Variants in ITGAV observed in about 807,000 individuals in gnomAD.
ITGAV encodes the protein integrin subunit alpha V.
ITGAV carries 76 observed loss-of-function variants against 143.8 expected under a neutral mutation model. The ratio of observed to expected loss-of-function variants is 0.53; its 90% CI spans 0.44 to 0.64. ITGAV has a LOEUF of 0.64. Among genes scored for constraint, ITGAV ranks in the 30% least tolerant of loss-of-function variants. ITGAV has a pLI of 0.00. For missense variants in ITGAV, 1,193 were observed against 1,274.7 expected (o/e 0.94, Z 0.98); for synonymous variants, 453 against 446.7 (o/e 1.01, Z -0.18).
In ITGAV at chr2:186,680,371, A is replaced by G. The variant is rs1689319383; in HGVS notation, c.*3079A>G. The G allele has an allele frequency of 6.6e-6, 1 of 152,474 alleles. No individual in the cohort carries two copies. Among genetic ancestry groups the G allele is most frequent in the East Asian group, 1.9e-4 (1 of 5,202 alleles). 9.4% of individuals were successfully genotyped at this position (152,474 alleles called of 1,614,324 possible). A position where few individuals can be genotyped will look rare whatever the true frequency, so the allele number is the denominator to read the frequency against. ...GGTTTGAACGATAGAAATATGCAGC[A>G]TGCAATATATGCTTATATTTCATTT... On this transcript the variant is annotated 3_prime_UTR_variant, in exon 30 of 30. Transcript: ENST00000261023.
chr2:186,630,750 GTTGTTTGTTT>G, intron 4 of ITGAV, 37 bp from the exon 5 acceptor site: 1 of 1,008,974 alleles, frequency 9.9e-7, no homozygotes, highest in Non-Finnish European at 1.6e-6. Context: ...TTTGTTTTGT[GTTGTTTGTTT>G]TTGGGTTTGT....
At chr2:186,608,263 G>C (rs1327939863) in intron 2 of ITGAV, among the ~76,000 whole-genome samples, 1 of 152,152 alleles carries the variant, frequency 6.6e-6, no homozygotes, top group Non-Finnish European at 1.5e-5. Context: ...AGTTTTGTGA[G>C]TTTGAAAGTT....
intron 15 of ITGAV, among the ~76,000 whole-genome samples, chr2:186,653,732 A>T (rs1046353906): frequency 1.3e-5 from 2 of 152,220 alleles, no homozygotes; most frequent in Non-Finnish European, 2.9e-5. Flanking sequence ...TATGTTAGTA[A>T]TTCAAAGGCT....
chr2:186,659,627 A>T (rs1574496386), intron 18 of ITGAV, among the ~76,000 whole-genome samples: 1 of 151,898 alleles, frequency 6.6e-6, no homozygotes, highest in East Asian at 1.9e-4. Context: ...AGAAAATCTT[A>T]TGTGTAATGT....
rs950620128 is a variant in ITGAV, at chr2:186,680,073, T to C, written c.*2781T>C. The C allele has an allele frequency of 6.6e-6, 1 of 152,006 alleles. No homozygotes were observed. The highest frequency in any genetic ancestry group is 2.4e-5 in the African/African-American group (1 of 41,406). The allele number at this position is 152,006 out of a possible 1,614,324, so 9.4% of individuals were successfully genotyped here. A position where few individuals can be genotyped will look rare whatever the true frequency, so the allele number is the denominator to read the frequency against. On this transcript the variant is annotated 3_prime_UTR_variant, in exon 30 of 30. Coordinates refer to ENST00000261023, the MANE Select transcript of ITGAV (RefSeq NM_002210.5). ...GCGATTTTTGTAAGGCAAACAGAAT[T>C]TGTAAGTTGGCAGATCTTCCTAAGT...
chr2:186,659,553 A>G (rs1357469382), intron 18 of ITGAV, among the ~76,000 whole-genome samples: 4 of 151,994 alleles, frequency 2.6e-5, no homozygotes, highest in Non-Finnish European at 5.9e-5. Context: ...TATATAGTAA[A>G]TAAATAATTC....
Position 186,656,373 on chromosome 2 carries a change from AGT to A in ITGAV, c.1695_1696del (p.Cys565Ter). On this transcript the variant is annotated frameshift_variant, in exon 17 of 30. Transcript: ENST00000261023. LOFTEE classifies it high-confidence loss of function. ...ACTATTTCAAGGGGGGGACTGATGCAGTGTGAGGAATTGATAGCGTATCTGCG... is the reference window on the plus strand; with the variant it reads ...ACTATTTCAAGGGGGGGACTGATGCAGTGAGGAATTGATAGCGTATCTGCG... 6.5e-7 allele frequency: 1 copy of A among 1,532,876 alleles called. No homozygotes were observed. The highest frequency in any genetic ancestry group is 8.7e-7 in the Non-Finnish European group (1 of 1,148,440). The allele number at this position is 1,532,876 out of a possible 1,614,324, so 95.0% of individuals were successfully genotyped here.
intron 12 of ITGAV, among the ~76,000 whole-genome samples, chr2:186,645,042 C>T (rs748597996): frequency 3.9e-5 from 6 of 152,084 alleles, no homozygotes; most frequent in East Asian, 3.8e-4. Flanking sequence ...AGGCAAGATA[C>T]GACATGTCCT....
At chr2:186,669,958 C>G in intron 26 of ITGAV, 144 bp downstream of exon 26, 1 of 641,880 alleles carries the variant, frequency 1.6e-6, no homozygotes, top group Non-Finnish European at 2.7e-6. Context: ...TCTCACTTTC[C>G]TTTTTCCTAG....
chr2:186,645,690 C>T lies in ITGAV; in HGVS notation c.1160-996C>T, dbSNP rs546298670. On this transcript the variant is annotated intron_variant, in intron 12 of 29. Coordinates refer to ENST00000261023, the MANE Select transcript of ITGAV (RefSeq NM_002210.5). ...GGCCACTTAAAAGGCTGTTTAAGGC[C>T]GGGCGCGTGGTTCACGCCTGTAATC... Among the ~76,000 whole-genome samples, 8 of 152,150 alleles carry T rather than the reference C, an allele frequency of 5.3e-5. No individual in the cohort carries two copies. In the East Asian group the frequency reaches 9.7e-4, roughly 18 times the overall value.
At position 186,671,739 on chromosome 2, in the gene ITGAV, C is replaced by G. The variant is rs558308021; in HGVS notation, c.2706+1925C>G. ...CTATAATTGTAAACATTTTTGTCAC[C>G]CCAAAAAGAAATGCTGTACCCATTA... On this transcript the variant is annotated intron_variant, in intron 26 of 29. Coordinates refer to ENST00000261023, the MANE Select transcript of ITGAV (RefSeq NM_002210.5). 8.1e-4 allele frequency among the ~76,000 whole-genome samples: 123 copies of G among 151,958 alleles called. 1 individual carries two copies. Among genetic ancestry groups the G allele is most frequent in the Non-Finnish European group, 1.6e-3 (107 of 67,944 alleles).
At chr2:186,668,213 TATA>T (rs1356861186) in intron 24 of ITGAV, among the ~76,000 whole-genome samples, 1 of 30,368 alleles carries the variant, frequency 3.3e-5, no homozygotes, top group Non-Finnish European at 7.0e-5. Context: ...TATATATATA[TATA>T]TTTTTTTTTT....
chr2:186,659,324 TTC>T (rs1241325168), intron 18 of ITGAV, 149 bp downstream of exon 18: 4 of 607,634 alleles, frequency 6.6e-6, no homozygotes, highest in Non-Finnish European at 9.7e-6. Context: ...CTATTTTTTT[TTC>T]TTTTTGGTTT....
At chr2:186,637,252 C>T (rs1281757577) in intron 8 of ITGAV, 143 bp downstream of exon 8, 9 of 663,268 alleles carry the variant, frequency 1.4e-5, no homozygotes, top group East Asian at 3.0e-5. Context: ...GAGGCTGAGG[C>T]GGGTGGATCC....
chr2:186,623,087 AC>A (rs1253295213), intron 3 of ITGAV, among the ~76,000 whole-genome samples: 1 of 151,676 alleles, frequency 6.6e-6, no homozygotes, highest in Non-Finnish European at 1.5e-5. Context: ...AAAAATAACA[AC>A]CTTCCTTCAC....
chr2:186,595,821 A>T (rs967357699), intron 1 of ITGAV, among the ~76,000 whole-genome samples: 3 of 152,004 alleles, frequency 2.0e-5, no homozygotes, highest in Non-Finnish European at 2.9e-5. Context: ...TACACTGCTA[A>T]TCAGTGAAAA....
At chr2:186,637,481 C>CAAA (rs5836991) in intron 8 of ITGAV, among the ~76,000 whole-genome samples, 1 of 105,836 alleles carries the variant, frequency 9.4e-6, no homozygotes, top group African/African-American at 3.6e-5. Flanking sequence ...GACCCTGTCT[C>CAAA]AAAAAAAAAA....
chr2:186,637,797 C>T (rs1260366248), intron 8 of ITGAV, among the ~76,000 whole-genome samples: 1 of 152,186 alleles, frequency 6.6e-6, no homozygotes, highest in African/African-American at 2.4e-5. Flanking sequence ...TTGTTACCTT[C>T]TGGGCCATCT....
Position 186,678,831 on chromosome 2 carries a change from T to C in ITGAV, c.*1539T>C. 1 of 426,272 alleles carries C rather than the reference T, an allele frequency of 2.3e-6. No individual in the cohort carries two copies. Among genetic ancestry groups the C allele is most frequent in the Non-Finnish European group, 4.6e-6 (1 of 215,900 alleles). The allele number at this position is 426,272 out of a possible 1,614,324, so 26.4% of individuals were successfully genotyped here. On this transcript the variant is annotated 3_prime_UTR_variant, in exon 30 of 30. Coordinates refer to ENST00000261023, the MANE Select transcript of ITGAV (RefSeq NM_002210.5). Reference sequence around the variant, plus strand: ...AATGATAAATATTTCCCTTAAATAATTGACTATTTTGCTGTGTTTTAAAAA... The same window carrying C: ...AATGATAAATATTTCCCTTAAATAACTGACTATTTTGCTGTGTTTTAAAAA...
Sources: allele counts gnomAD v4.1 joint callset (sites outside exome capture counted in the v4.1 genomes callset), GRCh38; gene constraint gnomAD v4.1.1; transcripts MANE v1.5; gene names NCBI Gene and HGNC (gene_info 2026-07-23, HGNC 2026-07-21).